Variants in MRPS28 observed in about 807,000 individuals in gnomAD.
The protein encoded by MRPS28 is small ribosomal subunit protein bS1m.
MRPS28 carries 7 observed loss-of-function variants against 10.8 expected under a neutral mutation model. That is an observed-to-expected ratio of 0.65 (90% CI 0.37 to 1.22). The LOEUF is 1.22. Among genes scored for constraint, MRPS28 ranks in the 50% most tolerant of loss-of-function variants. MRPS28 has a pLI of 0.02. For missense variants in MRPS28, 265 were observed against 232.9 expected, an observed-to-expected ratio of 1.14 and a Z score of -0.90; for synonymous variants, 121 against 93.3, an observed-to-expected ratio of 1.30 and a Z score of -1.71.
At chr8:80,021,298 G>A (rs1245898914) in intron 1 of MRPS28, among the ~76,000 whole-genome samples, 1 of 152,090 alleles carries the variant, frequency 6.6e-6, no homozygotes, top group Admixed American at 6.5e-5. Flanking sequence ...ACTGCGCCCA[G>A]CCACAAATGT....
intron 2 of MRPS28, among the ~76,000 whole-genome samples, chr8:79,919,563 G>C (rs1810016401): frequency 6.6e-6 from 1 of 152,100 alleles, no homozygotes; most frequent in Non-Finnish European, 1.5e-5. Context: ...CAAACTCCTG[G>C]CCTCTAGTGA....
intron 2 of MRPS28, among the ~76,000 whole-genome samples, chr8:79,938,098 G>T (rs1461246809): frequency 1.3e-5 from 2 of 152,098 alleles, no homozygotes; most frequent in Admixed American, 6.5e-5. Flanking sequence ...AGTATGTGAA[G>T]ACCTGTCAAC....
chr8:80,024,396 A>G (rs571042306), intron 1 of MRPS28, among the ~76,000 whole-genome samples: 1 of 152,306 alleles, frequency 6.6e-6, no homozygotes, highest in South Asian at 2.1e-4. Flanking sequence ...CAATGGCATT[A>G]CACTTAATGC....
chr8:79,994,085 A>T (rs1808433965), intron 2 of MRPS28, among the ~76,000 whole-genome samples: 1 of 152,180 alleles, frequency 6.6e-6, no homozygotes, highest in African/African-American at 2.4e-5. Context: ...AAAAGACACA[A>T]TCCTCATTAA....
At chr8:80,009,456 A>C (rs1277234035) in intron 1 of MRPS28, among the ~76,000 whole-genome samples, 2 of 151,970 alleles carry the variant, frequency 1.3e-5, no homozygotes, top group African/African-American at 4.8e-5. Context: ...AATAAAAATA[A>C]AAATACAAAA....
At chr8:79,958,396 T>C (rs937541592) in intron 2 of MRPS28, 2 of 698,726 alleles carry the variant, frequency 2.9e-6, no homozygotes, top group Non-Finnish European at 5.2e-6. Flanking sequence ...TCATCACTTG[T>C]GAAAATCTCC....
Position 80,029,927 on chromosome 8 carries a change from C to G in MRPS28, c.213+109G>C, listed in dbSNP as rs536934617. 406 of 1,536,764 alleles carry G rather than the reference C, an allele frequency of 2.6e-4. 1 individual carries two copies. In the Middle Eastern group the frequency reaches 6.2e-3, roughly 23 times the overall value. ...CACCGCAACTCCGGAAAACTGGGCC[C>G]CGGACCTCAGCTCCCCTTCCTAAGC... is the stretch of plus-strand genomic sequence containing the variant. On this transcript the variant is annotated intron_variant, in intron 1 of 2. Coordinates refer to ENST00000276585, the MANE Select transcript of MRPS28 (RefSeq NM_014018.3).
At chr8:79,995,621 G>T (rs1032958587) in intron 2 of MRPS28, among the ~76,000 whole-genome samples, 7 of 152,156 alleles carry the variant, frequency 4.6e-5, no homozygotes, top group Non-Finnish European at 8.8e-5. Flanking sequence ...AGTCGACATA[G>T]GCAAAACTCC....
In MRPS28 at chr8:80,013,886, A is replaced by C. The variant is rs138169322; in HGVS notation, c.214-10706T>G. Among the ~76,000 whole-genome samples, 970 of 152,238 alleles carry C rather than the reference A, an allele frequency of 6.4e-3. 9 individuals are homozygous for C. The highest frequency in any genetic ancestry group is 0.022 in the African/African-American group (906 of 41,536). On this transcript the variant is annotated intron_variant, in intron 1 of 2. Coordinates refer to ENST00000276585, the MANE Select transcript of MRPS28 (RefSeq NM_014018.3). The stretch of plus-strand genomic sequence containing the variant: ...AACGTATTGGTGGCTCAAGGTGATA[A>C]GGTACTTACATTTATCTCTCTCCCT...
chr8:80,029,827 T>G (rs1206697912), intron 1 of MRPS28: 1 of 1,532,566 alleles, frequency 6.5e-7, no homozygotes, highest in Non-Finnish European at 8.7e-7. Flanking sequence ...AGTACGCAAA[T>G]GCCACACAAA....
At chr8:80,015,939 A>G (rs1357645764) in intron 1 of MRPS28, among the ~76,000 whole-genome samples, 1 of 146,800 alleles carries the variant, frequency 6.8e-6, no homozygotes, top group Non-Finnish European at 1.5e-5. Flanking sequence ...ACAGCTGAGG[A>G]AAAAAAAAAA....
At chr8:80,025,472 T>A (rs1809471545) in intron 1 of MRPS28, among the ~76,000 whole-genome samples, 1 of 152,130 alleles carries the variant, frequency 6.6e-6, no homozygotes, top group South Asian at 2.1e-4. Flanking sequence ...AAAATGCAAA[T>A]GTTCACTGCA....
At position 80,006,523 on chromosome 8, in the gene MRPS28, G is replaced by T. The variant is rs561662618; in HGVS notation, c.214-3343C>A. ...GATCAACAAAATTGATAGACCGCTA[G>T]CAAGGCTAATAAAGAAGAAAAGAGA... On this transcript the variant is annotated intron_variant, in intron 1 of 2. Coordinates refer to ENST00000276585, the MANE Select transcript of MRPS28 (RefSeq NM_014018.3). 2.6e-5 allele frequency among the ~76,000 whole-genome samples: 4 copies of T among 152,230 alleles called. No individual in the cohort carries two copies. The South Asian group carries it at 8.3e-4, about 32-fold the overall frequency.
At chr8:79,919,249 C>CT in intron 2 of MRPS28, 101 bp from the exon 3 acceptor site, 2 of 932,542 alleles carry the variant, frequency 2.1e-6, no homozygotes, top group Non-Finnish European at 2.9e-6. Context: ...TTTGTGTTAG[C>CT]TCAAGATGAA....
chr8:79,930,270 G>A (rs1806428277), intron 2 of MRPS28, among the ~76,000 whole-genome samples: 1 of 152,062 alleles, frequency 6.6e-6, no homozygotes, highest in East Asian at 1.9e-4. Context: ...ACTTCCCTAG[G>A]TAGGCAAGTT....
intron 1 of MRPS28, among the ~76,000 whole-genome samples, chr8:80,009,728 G>A (rs1448776258): frequency 1.3e-5 from 2 of 152,046 alleles, no homozygotes; most frequent in African/African-American, 4.8e-5. Context: ...GAGAGTAGAA[G>A]AGTGCCTGTA....
intron 2 of MRPS28, among the ~76,000 whole-genome samples, chr8:79,969,620 G>A (rs1807579684): frequency 6.6e-6 from 1 of 152,082 alleles, no homozygotes; most frequent in Non-Finnish European, 1.5e-5. Flanking sequence ...CTGGTCATCT[G>A]TAACAAAAGA....
chr8:79,987,997 C>A (rs888620449), intron 2 of MRPS28, among the ~76,000 whole-genome samples: 1 of 152,052 alleles, frequency 6.6e-6, no homozygotes, highest in African/African-American at 2.4e-5. Context: ...GCTCTATTCA[C>A]AATAGCAACG....
intron 2 of MRPS28, among the ~76,000 whole-genome samples, chr8:79,947,104 T>A (rs1806938704): frequency 6.6e-6 from 1 of 152,152 alleles, no homozygotes; most frequent in Admixed American, 6.5e-5. Context: ...GATACAAAAC[T>A]AACTCACAAA....
Sources: allele counts gnomAD v4.1 joint callset (sites outside exome capture counted in the v4.1 genomes callset), GRCh38; gene constraint gnomAD v4.1.1; transcripts MANE v1.5; gene names NCBI Gene and HGNC (gene_info 2026-07-23, HGNC 2026-07-21).